STK32B: variants seen among roughly 807,000 people sequenced by gnomAD.
The protein encoded by STK32B is serine/threonine-protein kinase 32B.
In STK32B, 43 loss-of-function variants were observed where a neutral mutation model predicts 52.6. The observed-to-expected ratio is 0.82, with a 90% confidence interval of 0.64 to 1.05. The LOEUF is 1.05. STK32B is among the 50% of genes least tolerant of loss of function. The pLI is 0.00. For missense variants in STK32B, 621 were observed against 534.6 expected, an observed-to-expected ratio of 1.16 and a Z score of -1.59; for synonymous variants, 238 against 204.3, an observed-to-expected ratio of 1.17 and a Z score of -1.41.
chr4:5,335,037 G>A (rs986448481), intron 4 of STK32B, among the ~76,000 whole-genome samples: 3 of 151,628 alleles, frequency 2.0e-5, no homozygotes, highest in Non-Finnish European at 4.4e-5. Flanking sequence ...GATTGGAATA[G>A]TTTCAGAAGG....
At chr4:5,427,886 T>G (rs2109086809) in intron 6 of STK32B, among the ~76,000 whole-genome samples, 1 of 151,832 alleles carries the variant, frequency 6.6e-6, no homozygotes. Context: ...ATTTTTCTAT[T>G]TTTTATTTTA....
chr4:5,466,594 T>G, intron 9 of STK32B, 109 bp from the exon 10 acceptor site: 1 of 1,379,342 alleles, frequency 7.2e-7, no homozygotes, highest in South Asian at 1.5e-5. Context: ...CCAACAAGAG[T>G]AAGTTCATCA....
At chr4:5,222,960 C>A (rs562150939) in intron 3 of STK32B, among the ~76,000 whole-genome samples, 45 of 152,300 alleles carry the variant, frequency 3.0e-4, no homozygotes, top group African/African-American at 8.2e-4. Flanking sequence ...CCGTACCCAT[C>A]ACAGGCCCAG....
At chr4:5,222,848 A>G (rs546501015) in intron 3 of STK32B, among the ~76,000 whole-genome samples, 2 of 152,314 alleles carry the variant, frequency 1.3e-5, no homozygotes, top group South Asian at 2.1e-4. Context: ...AATCAAGGGA[A>G]TGGTCAAGTG....
At chr4:5,068,135 C>T (rs1711538064) in intron 1 of STK32B, among the ~76,000 whole-genome samples, 1 of 152,030 alleles carries the variant, frequency 6.6e-6, no homozygotes, top group Non-Finnish European at 1.5e-5. Flanking sequence ...ACAATTCATC[C>T]ATTGAAAGTT....
intron 6 of STK32B, among the ~76,000 whole-genome samples, chr4:5,438,975 G>T (rs1241594159): frequency 6.6e-6 from 1 of 151,704 alleles, no homozygotes; most frequent in Non-Finnish European, 1.5e-5. Context: ...GTGTGTATGT[G>T]CCACATTTTC....
At chr4:5,158,702 G>C (rs1256708230) in intron 2 of STK32B, among the ~76,000 whole-genome samples, 1 of 152,088 alleles carries the variant, frequency 6.6e-6, no homozygotes, top group Non-Finnish European at 1.5e-5. Flanking sequence ...GGATTCTTCC[G>C]AGGCCGCTTT....
chr4:5,227,309 G>A (rs554578667), intron 3 of STK32B, among the ~76,000 whole-genome samples: 1 of 152,130 alleles, frequency 6.6e-6, no homozygotes, highest in Non-Finnish European at 1.5e-5. Context: ...TGAAATTTAA[G>A]TGGTTCTTTT....
chr4:5,039,253 C>T, the STK32B span, among the ~76,000 whole-genome samples: 2 of 152,180 alleles, frequency 1.3e-5, no homozygotes, highest in Admixed American at 6.6e-5. Flanking sequence ...TGTACCTCAG[C>T]CTTCCAAAGT....
chr4:5,231,382 G>A (rs542577682), intron 3 of STK32B, among the ~76,000 whole-genome samples: 4 of 152,228 alleles, frequency 2.6e-5, no homozygotes, highest in East Asian at 1.9e-4. Flanking sequence ...AGGCTGAGGC[G>A]GAAAGATCGC....
At chr4:5,224,741 A>G (rs1002755632) in intron 3 of STK32B, among the ~76,000 whole-genome samples, 7 of 152,192 alleles carry the variant, frequency 4.6e-5, no homozygotes, top group African/African-American at 1.7e-4. Flanking sequence ...TTAATTAATA[A>G]TATTAATGAC....
intron 4 of STK32B, among the ~76,000 whole-genome samples, chr4:5,334,530 A>G (rs143960309): frequency 0.013 from 1,902 of 140,982 alleles, 30 homozygotes; most frequent in African/African-American, 0.046. Context: ...AGGAGTGGTG[A>G]GAGAGGGCAT....
chr4:5,134,344 G>A (rs192209691), intron 1 of STK32B, among the ~76,000 whole-genome samples: 11 of 152,248 alleles, frequency 7.2e-5, no homozygotes, highest in African/African-American at 2.4e-4. Flanking sequence ...TCATTATCAT[G>A]GGAGTAGATT....
At chr4:5,156,533 C>A (rs1475954899) in intron 2 of STK32B, among the ~76,000 whole-genome samples, 2 of 152,172 alleles carry the variant, frequency 1.3e-5, no homozygotes, top group Non-Finnish European at 2.9e-5. Context: ...GCAGGAGCGT[C>A]CACGGTGAAG....
chr4:5,442,900 A>T (rs2109113209), intron 6 of STK32B, among the ~76,000 whole-genome samples: 1 of 152,118 alleles, frequency 6.6e-6, no homozygotes, highest in East Asian at 1.9e-4. Flanking sequence ...CTGGGTTGAA[A>T]ATTCTTTTCT....
intron 6 of STK32B, among the ~76,000 whole-genome samples, chr4:5,442,721 A>T (rs1276500938): frequency 1.3e-5 from 2 of 152,132 alleles, no homozygotes; most frequent in African/African-American, 4.8e-5. Context: ...ACATTTTGGC[A>T]TGATTTTGCA....
the STK32B span, among the ~76,000 whole-genome samples, chr4:5,020,870 C>T: frequency 1.0e-3 from 156 of 152,260 alleles, 1 homozygote; most frequent in Non-Finnish European, 2.5e-4. Flanking sequence ...AATTCCCAGG[C>T]GAGGAAACTG....
chr4:5,142,238 C>T (rs926353613), intron 2 of STK32B, among the ~76,000 whole-genome samples: 2 of 152,140 alleles, frequency 1.3e-5, no homozygotes, highest in Non-Finnish European at 2.9e-5. Flanking sequence ...GTTGTATGGA[C>T]CAATATATTC....
chr4:5,343,243 T>G (rs1733216608), intron 4 of STK32B, among the ~76,000 whole-genome samples: 1 of 152,172 alleles, frequency 6.6e-6, no homozygotes, highest in East Asian at 1.9e-4. Context: ...AATGATGGTT[T>G]CCAGCTTCAT....
Sources: gnomAD v4.1 joint callset for allele counts (sites outside exome capture counted in the v4.1 genomes callset) on GRCh38, gnomAD v4.1.1 for gene constraint, MANE v1.5 for transcripts, NCBI Gene and HGNC (gene_info 2026-07-23, HGNC 2026-07-21) for gene names.